MDFIC: variants seen among roughly 807,000 people sequenced by gnomAD.
MDFIC encodes the protein myoD family inhibitor domain-containing protein.
A neutral mutation model predicts 23.2 loss-of-function variants in MDFIC; 17 were observed. The ratio of observed to expected loss-of-function variants is 0.73; its 90% CI spans 0.50 to 1.10. MDFIC has a LOEUF of 1.10. Ranked by LOEUF, MDFIC falls within the 50% of genes least tolerant of loss-of-function variation. The pLI is 0.00. For synonymous variants in MDFIC, 120 were observed against 115.2 expected (o/e 1.04, Z -0.27); for missense variants, 356 against 316.6 (o/e 1.12, Z -0.95).
chr7:114,947,003 T>C (rs890714081), intron 3 of MDFIC, among the ~76,000 whole-genome samples: 1 of 152,222 alleles, frequency 6.6e-6, no homozygotes. Flanking sequence ...TTAGAACATT[T>C]TTACTTTGTT....
In MDFIC at chr7:115,011,566, T is replaced by TA. The variant is rs972306030; in HGVS notation, c.494-4114dup. 4.6e-5 allele frequency among the ~76,000 whole-genome samples: 7 copies of TA among 152,110 alleles called. No individual in the cohort carries two copies. In the South Asian group the frequency reaches 1.0e-3, roughly 23 times the overall value. ...TTGGATCTATTTAGACCTAAGAACTTAAAAAAAATTCTTTGTCTACTAAAA... is the reference window on the plus strand; with the variant it reads ...TTGGATCTATTTAGACCTAAGAACTTAAAAAAAAATTCTTTGTCTACTAAAA... On this transcript the variant is annotated intron_variant, in intron 4 of 4. Transcript: ENST00000393486.
chr7:114,950,082 CTT>C (rs1379889498), intron 3 of MDFIC, among the ~76,000 whole-genome samples: 5 of 152,188 alleles, frequency 3.3e-5, no homozygotes, highest in Non-Finnish European at 5.9e-5. Flanking sequence ...GGAGTAGTGA[CTT>C]AATCAACATT....
At chr7:114,963,660 CA>C (rs1447712274) in intron 3 of MDFIC, among the ~76,000 whole-genome samples, 6 of 152,226 alleles carry the variant, frequency 3.9e-5, no homozygotes, top group Non-Finnish European at 8.8e-5. Flanking sequence ...ACTGCAGCCT[CA>C]ACCTCCTGGG....
rs369743825 is a variant in MDFIC at position 114,956,394 on chromosome 7, C to CAT, written c.217+14010_217+14011dup. On this transcript the variant is annotated intron_variant, in intron 3 of 4. Coordinates refer to ENST00000393486, the MANE Select transcript of MDFIC (RefSeq NM_001166345.3). ...ATACACACACACATATATATACACACATATATATATATATTTGACATCTTA... is the reference window on the plus strand; with the variant it reads ...ATACACACACACATATATATACACACATATATATATATATATTTGACATCTTA... 2.2e-3 allele frequency among the ~76,000 whole-genome samples: 335 copies of CAT among 150,054 alleles called. 1 individual carries two copies. Among genetic ancestry groups the CAT allele is most frequent in the African/African-American group, 6.1e-3 (250 of 41,022 alleles).
chr7:115,002,441 A>G (rs1791483714), intron 4 of MDFIC, among the ~76,000 whole-genome samples: 2 of 152,200 alleles, frequency 1.3e-5, no homozygotes, highest in African/African-American at 4.8e-5. Context: ...AATTCCTGCA[A>G]CAAATCATTC....
intron 4 of MDFIC, among the ~76,000 whole-genome samples, chr7:114,996,506 G>C (rs1791334162): frequency 6.6e-6 from 1 of 152,140 alleles, no homozygotes; most frequent in Non-Finnish European, 1.5e-5. Flanking sequence ...TTGAATTTGA[G>C]ATACCCATTA....
At chr7:114,971,837 T>C (rs1793211428) in intron 3 of MDFIC, among the ~76,000 whole-genome samples, 1 of 152,208 alleles carries the variant, frequency 6.6e-6, no homozygotes, top group African/African-American at 2.4e-5. Context: ...TATTTGGATT[T>C]ACTTTTCTAT....
intron 1 of MDFIC, 136 bp downstream of exon 1, chr7:114,922,772 T>G: frequency 8.4e-7 from 1 of 1,192,178 alleles, no homozygotes; most frequent in Non-Finnish European, 1.1e-6. Flanking sequence ...GCTGTCAACT[T>G]GCGCTGTAAC....
At chr7:114,929,088 T>TATCTATCTATCTATCTATCTATCG (rs751770128) in intron 2 of MDFIC, among the ~76,000 whole-genome samples, 2 of 151,116 alleles carry the variant, frequency 1.3e-5, no homozygotes, top group Non-Finnish European at 3.0e-5. Flanking sequence ...AATATAGATC[T>TATCTATCTATCTATCTATCTATCG]ATCTATCTAT....
chr7:114,928,034 G>A (rs892332852), intron 2 of MDFIC, among the ~76,000 whole-genome samples: 2 of 152,118 alleles, frequency 1.3e-5, no homozygotes, highest in Admixed American at 6.5e-5. Context: ...GAGGATTTGG[G>A]AACATTTTGA....
At chr7:114,973,101 GTATATATATATA>G (rs61549771) in intron 3 of MDFIC, among the ~76,000 whole-genome samples, 1 of 147,746 alleles carries the variant, frequency 6.8e-6, no homozygotes, top group Non-Finnish European at 1.5e-5. Context: ...GTGTGTGTGT[GTATATATATATA>G]TATATATATG....
At chr7:114,972,001 G>A (rs1191884758) in intron 3 of MDFIC, among the ~76,000 whole-genome samples, 1 of 152,084 alleles carries the variant, frequency 6.6e-6, no homozygotes, top group East Asian at 1.9e-4. Flanking sequence ...AGGAATAAAT[G>A]GGGAAAAATT....
At chr7:114,992,520 T>C (rs1489768991) in intron 4 of MDFIC, among the ~76,000 whole-genome samples, 4 of 152,218 alleles carry the variant, frequency 2.6e-5, no homozygotes, top group Non-Finnish European at 2.9e-5. Flanking sequence ...TTGAGATATG[T>C]CCCAGCAATA....
At chr7:114,957,266 C>T (rs541528694) in intron 3 of MDFIC, among the ~76,000 whole-genome samples, 1 of 152,096 alleles carries the variant, frequency 6.6e-6, no homozygotes, top group South Asian at 2.1e-4. Context: ...ACGATTTTGC[C>T]TATTTTTTTC....
At chr7:114,962,004 GT>G (rs1793002272) in intron 3 of MDFIC, among the ~76,000 whole-genome samples, 1 of 152,146 alleles carries the variant, frequency 6.6e-6, no homozygotes, top group South Asian at 2.1e-4. Flanking sequence ...TAATAATGAT[GT>G]TGATAAATAT....
In MDFIC at chr7:114,979,526, C is replaced by A. The variant is rs1320999870; in HGVS notation, c.238C>A (p.Gln80Lys). ...TTTAGCCCAACCTCAGCGCTTGCCTCAGCTTCAGACTTCAGCCCAGGTGCC... is the reference window on the plus strand; with the variant it reads ...TTTAGCCCAACCTCAGCGCTTGCCTAAGCTTCAGACTTCAGCCCAGGTGCC... ...LIRTQPQRLP[Q>K]LQTSAQVPSG... The change falls in exon 4 of 5, where the codon CAG (glutamine) becomes AAG (lysine). Residue 80 changes from glutamine (Q) to lysine (K), a missense_variant. Physicochemically the swap from Gln to Lys is moderately conservative, Grantham distance 53. Coordinates refer to ENST00000393486, the MANE Select transcript of MDFIC (RefSeq NM_001166345.3). 1.2e-6 allele frequency: 2 copies of A among 1,612,086 alleles called. No individual in the cohort carries two copies. The highest frequency in any genetic ancestry group is 1.7e-6 in the Non-Finnish European group (2 of 1,178,668).
At chr7:114,946,644 T>A (rs1458334049) in intron 3 of MDFIC, among the ~76,000 whole-genome samples, 1 of 152,194 alleles carries the variant, frequency 6.6e-6, no homozygotes, top group South Asian at 2.1e-4. Flanking sequence ...CCCATTCTAT[T>A]TAACCCATTT....
chr7:114,966,541 C>A (rs1473438313), intron 3 of MDFIC, among the ~76,000 whole-genome samples: 1 of 152,000 alleles, frequency 6.6e-6, no homozygotes, highest in Non-Finnish European at 1.5e-5. Flanking sequence ...CTGATGAGTA[C>A]TAGTGGAAGG....
chr7:114,935,239 A>C (rs1297066126), intron 2 of MDFIC, among the ~76,000 whole-genome samples: 1 of 152,090 alleles, frequency 6.6e-6, no homozygotes, highest in Non-Finnish European at 1.5e-5. Context: ...GGAGGTATGA[A>C]TACAAATTGC....
Sources: allele counts gnomAD v4.1 joint callset (sites outside exome capture counted in the v4.1 genomes callset), GRCh38; gene constraint gnomAD v4.1.1; transcripts MANE v1.5; gene names NCBI Gene and HGNC (gene_info 2026-07-23, HGNC 2026-07-21).